The following SEMA5A variants were observed in gnomAD, a reference collection of about 807,000 sequenced individuals.
The protein encoded by SEMA5A is semaphorin 5A, also known as semaphorin-5A.
Under a neutral mutation model 135.5 loss-of-function variants are expected in SEMA5A, and 55 were observed. The observed-to-expected ratio is 0.41, with a 90% CI of 0.33 to 0.51. SEMA5A has a LOEUF of 0.51. Among genes scored for constraint, SEMA5A ranks in the 20% least tolerant of loss-of-function variants. The probability of loss-of-function intolerance (pLI) is 0.37; values close to 1 mark genes in which losing one functional copy is unlikely to be tolerated. For synonymous variants in SEMA5A, 580 were observed against 546.5 expected (o/e 1.06, Z -0.85); for missense variants, 1,290 against 1,419.9 (o/e 0.91, Z 1.47).
At chr5:9,340,073 T>C (rs1005962116) in intron 3 of SEMA5A, among the ~76,000 whole-genome samples, 1 of 152,184 alleles carries the variant, frequency 6.6e-6, no homozygotes, top group African/African-American at 2.4e-5. Flanking sequence ...AGAAAGATAG[T>C]AAATTCAGGT....
At chr5:9,444,287 T>C (rs984633873) in intron 1 of SEMA5A, among the ~76,000 whole-genome samples, 7 of 152,202 alleles carry the variant, frequency 4.6e-5, no homozygotes, top group African/African-American at 1.7e-4. Flanking sequence ...GGTGCACCCA[T>C]TACCTGAGCA....
chr5:9,105,417 T>G (rs191270273), intron 16 of SEMA5A, among the ~76,000 whole-genome samples: 2 of 152,332 alleles, frequency 1.3e-5, no homozygotes, highest in East Asian at 3.9e-4. Context: ...AAATAATCAA[T>G]TCTTTCTTTT....
At chr5:9,500,019 C>T (rs1435222288) in intron 1 of SEMA5A, among the ~76,000 whole-genome samples, 4 of 152,128 alleles carry the variant, frequency 2.6e-5, no homozygotes, top group Non-Finnish European at 4.4e-5. Flanking sequence ...TCTGAAGCTC[C>T]ATTAGCCAGT....
chr5:9,208,853 C>T (rs1465423630), intron 8 of SEMA5A, among the ~76,000 whole-genome samples: 1 of 152,066 alleles, frequency 6.6e-6, no homozygotes, highest in Non-Finnish European at 1.5e-5. Context: ...GAAGTTGGAG[C>T]CAAGTGCATC....
intron 15 of SEMA5A, among the ~76,000 whole-genome samples, chr5:9,109,027 AATTTTTTTTTTTTTTTTT>A: frequency 8.4e-6 from 1 of 118,956 alleles, no homozygotes; most frequent in East Asian, 2.6e-4. Context: ...ATTTCTCTTC[AATTTTTTTTTTTTTTTTT>A]TTTTTTTTTT....
At chr5:9,223,413 T>C (rs888409010) in intron 8 of SEMA5A, among the ~76,000 whole-genome samples, 4 of 152,234 alleles carry the variant, frequency 2.6e-5, no homozygotes, top group Non-Finnish European at 4.4e-5. Flanking sequence ...CTAGAGTTAA[T>C]TCCCCCCTCC....
At position 9,161,944 on chromosome 5, in the gene SEMA5A, C is replaced by G. The variant is rs745977032; in HGVS notation, c.1274-7249G>C. ...TGTGGCCATGAGAATGGAACCTGGT[C>G]TCTAAATCCTTACCTGGACACCTGC... On this transcript the variant is annotated intron_variant, in intron 11 of 22. Coordinates refer to ENST00000382496, the MANE Select transcript of SEMA5A (RefSeq NM_003966.3). Among the ~76,000 whole-genome samples, 6 of 152,298 alleles carry G rather than the reference C, an allele frequency of 3.9e-5. No homozygotes were observed. In the South Asian group the frequency reaches 1.2e-3, roughly 32 times the overall value.
At chr5:9,493,441 A>G (rs1436420951) in intron 1 of SEMA5A, among the ~76,000 whole-genome samples, 1 of 152,008 alleles carries the variant, frequency 6.6e-6, no homozygotes, top group East Asian at 1.9e-4. Context: ...GATCACTGTG[A>G]GACTCCTCAA....
chr5:9,523,396 G>A (rs928509085), intron 1 of SEMA5A, among the ~76,000 whole-genome samples: 1 of 152,176 alleles, frequency 6.6e-6, no homozygotes, highest in Admixed American at 6.5e-5. Context: ...TGCAGGAATT[G>A]TAAACATTTA....
chr5:9,060,122 CCT>C (rs1416472818), intron 18 of SEMA5A, among the ~76,000 whole-genome samples: 1 of 152,136 alleles, frequency 6.6e-6, no homozygotes, highest in Non-Finnish European at 1.5e-5. Flanking sequence ...ACCACTCAGC[CCT>C]GACTCACCCA....
At chr5:9,118,407 A>C (rs1223502178) in intron 15 of SEMA5A, among the ~76,000 whole-genome samples, 2 of 152,240 alleles carry the variant, frequency 1.3e-5, no homozygotes, top group African/African-American at 4.8e-5. Flanking sequence ...TTCTACACCA[A>C]GAAACAAATT....
chr5:9,394,625 G>A (rs139038512), intron 2 of SEMA5A, among the ~76,000 whole-genome samples: 43 of 152,240 alleles, frequency 2.8e-4, no homozygotes, highest in African/African-American at 9.4e-4. Context: ...GGGAGGAGGT[G>A]GGGGAGCAGG....
chr5:9,085,556 C>G (rs1379911651), intron 16 of SEMA5A, among the ~76,000 whole-genome samples: 2 of 152,176 alleles, frequency 1.3e-5, no homozygotes, highest in Non-Finnish European at 2.9e-5. Flanking sequence ...TGTGATTGCA[C>G]AGAAGTCAAG....
intron 1 of SEMA5A, among the ~76,000 whole-genome samples, chr5:9,496,246 T>C (rs1471775623): frequency 1.3e-5 from 2 of 152,174 alleles, no homozygotes; most frequent in African/African-American, 2.4e-5. Flanking sequence ...GGTTTCACCA[T>C]GTTGGCCAGA....
At chr5:9,293,991 G>C (rs1398896021) in intron 5 of SEMA5A, among the ~76,000 whole-genome samples, 4 of 152,126 alleles carry the variant, frequency 2.6e-5, no homozygotes, top group Non-Finnish European at 5.9e-5. Flanking sequence ...ACTTATCACA[G>C]GGTAGTCCCT....
intron 4 of SEMA5A, among the ~76,000 whole-genome samples, chr5:9,333,968 C>T (rs534578210): frequency 6.6e-6 from 1 of 152,110 alleles, no homozygotes; most frequent in East Asian, 1.9e-4. Context: ...TACGAAAGTT[C>T]ATGTGCATCC....
chr5:9,457,502 TA>T (rs1256409998), intron 1 of SEMA5A, among the ~76,000 whole-genome samples: 1 of 152,224 alleles, frequency 6.6e-6, no homozygotes, highest in Non-Finnish European at 1.5e-5. Flanking sequence ...ATTATCATCA[TA>T]ACAAACAAAT....
chr5:9,527,438 C>T (rs1008101455), intron 1 of SEMA5A, among the ~76,000 whole-genome samples: 9 of 152,214 alleles, frequency 5.9e-5, no homozygotes, highest in African/African-American at 2.2e-4. Flanking sequence ...AGCAACAATT[C>T]CAAGCCCTGG....
At chr5:9,543,766 GAAACTC>G (rs1015460101) in intron 1 of SEMA5A, among the ~76,000 whole-genome samples, 9 of 145,800 alleles carry the variant, frequency 6.2e-5, no homozygotes, top group Non-Finnish European at 6.0e-5. Flanking sequence ...TTACAAGAAA[GAAACTC>G]AAGGGAAAAA....
Sources: gnomAD v4.1 joint callset for allele counts (sites outside exome capture counted in the v4.1 genomes callset) on GRCh38, gnomAD v4.1.1 for gene constraint, MANE v1.5 for transcripts, NCBI Gene and HGNC (gene_info 2026-07-23, HGNC 2026-07-21) for gene names.